TDRD6: variants seen among roughly 807,000 people sequenced by gnomAD.
TDRD6 encodes the protein tudor domain containing 6, also known as tudor domain-containing protein 6.
TDRD6 carries 186 observed loss-of-function variants against 157.5 expected under a neutral mutation model. The observed-to-expected ratio is 1.18, with a 90% CI of 1.05 to 1.33. TDRD6 has a LOEUF of 1.33. Among genes scored for constraint, TDRD6 ranks in the 40% most tolerant of loss-of-function variants. The pLI is 0.00. For missense variants in TDRD6, 3,066 were observed against 2,508.0 expected (o/e 1.22, Z -4.75); for synonymous variants, 1,075 against 945.2 (o/e 1.14, Z -2.52).
rs760694469 is a variant in TDRD6, at chr6:46,704,002, C to A, written c.*2115C>A. On this transcript the variant is annotated 3_prime_UTR_variant, in exon 4 of 4. Transcript: ENST00000316081. The stretch of plus-strand genomic sequence containing the variant: ...GTCATCATTTGAAATTGTGTAGTAC[C>A]ACCAATCCTGTGCTGAAACAATGGC... The A allele has an allele frequency of 2.9e-4, 45 of 155,512 alleles. No individual in the cohort carries two copies. Among genetic ancestry groups the A allele is most frequent in the Non-Finnish European group, 4.8e-4 (34 of 70,236 alleles). 9.6% of individuals were successfully genotyped at this position (155,512 alleles called of 1,614,324 possible). A position where few individuals can be genotyped will look rare whatever the true frequency, so the allele number is the denominator to read the frequency against.
rs750895677 is a variant in TDRD6, at chr6:46,698,006, C to T, written c.6180C>T (p.Asn2060=). ...ETAEEGTRVL[N]LSNGMEEIVN... is the part of the protein sequence containing the mutation. ...TTTGTTTTCTCCTGTAGGTTTTGAA[C>T]CTTTCAAATGGTATGGAGGAGATAG... The change falls in exon 3 of 4, where the codon AAC becomes AAT. Residue 2060 remains asparagine, a synonymous_variant. Coordinates refer to ENST00000316081, the MANE Select transcript of TDRD6 (RefSeq NM_001010870.3). 5.7e-6 allele frequency: 9 copies of T among 1,591,256 alleles called. No homozygotes were observed. Among genetic ancestry groups the T allele is most frequent in the Non-Finnish European group, 7.7e-6 (9 of 1,166,940 alleles).
At position 46,690,857 on chromosome 6, in the gene TDRD6, T is replaced by C; in HGVS notation, c.2729T>C (p.Ile910Thr). Residue 910 changes from isoleucine to threonine, a missense_variant, in exon 1 of 4, where the codon ATA becomes ACA. Physicochemically the swap from Ile to Thr is moderately conservative, Grantham distance 89 (BLOSUM62 -1). Coordinates refer to ENST00000316081, the MANE Select transcript of TDRD6 (RefSeq NM_001010870.3). ...GCAATACAAGCTTTCAATGAATTTA[T>C]AGATAATGCATGGCAAAAAAATCTA... ...VKAIQAFNEFIDNAWQKNLEL... is the reference protein window; with the variant it reads ...VKAIQAFNEFTDNAWQKNLEL... The C allele has an allele frequency of 6.2e-7, 1 of 1,613,738 alleles. No homozygotes were observed. Among genetic ancestry groups the C allele is most frequent in the Non-Finnish European group, 8.5e-7 (1 of 1,179,930 alleles).
chr6:46,681,411 A>G, the TDRD6 span: 2 of 390,906 alleles, frequency 5.1e-6, no homozygotes, highest in Admixed American at 5.8e-5. Flanking sequence ...TTATATCACT[A>G]TTTGGCCTTC....
Position 46,688,570 on chromosome 6 carries a change from C to T in TDRD6, c.442C>T (p.Gln148Ter), listed in dbSNP as rs748776103. 1 of 1,594,036 alleles carries T rather than the reference C, an allele frequency of 6.3e-7. No homozygotes were observed. The highest frequency in any genetic ancestry group is 8.5e-7 in the Non-Finnish European group (1 of 1,176,942). ...GCGAGSGEPP[Q>*]HWPADAVDFL... is the part of the protein sequence containing the mutation. Reference sequence around the variant, plus strand: ...CGGCGCGGGCTCAGGCGAGCCGCCGCAGCACTGGCCCGCCGACGCCGTGGA... The same window carrying T: ...CGGCGCGGGCTCAGGCGAGCCGCCGTAGCACTGGCCCGCCGACGCCGTGGA... Residue 148 changes from glutamine to a stop codon, truncating the protein, a stop_gained, in exon 1 of 4, where the codon CAG (glutamine) becomes TAG (stop). Transcript: ENST00000316081. LOFTEE classifies it high-confidence loss of function.
chr6:46,687,201 T>C (rs1764118194), upstream of TDRD6, among the ~76,000 whole-genome samples: 1 of 152,168 alleles, frequency 6.6e-6, no homozygotes, highest in Admixed American at 6.5e-5. Context: ...CTTGAAGGAA[T>C]GTTGATTCCA....
At position 46,692,720 on chromosome 6, in the gene TDRD6, C is replaced by A. The variant is rs761939805; in HGVS notation, c.4592C>A (p.Pro1531His). ...GCTTATGCCACTGTGATAGATGGAC[C>A]TGAGTACTTTTGGTGTCAGTTTGCT... ...IRAYATVIDG[P>H]EYFWCQFADT... Residue 1531 changes from proline to histidine, a missense_variant, in exon 1 of 4, where the codon CCT becomes CAT. Coordinates refer to ENST00000316081, the MANE Select transcript of TDRD6 (RefSeq NM_001010870.3). 6.2e-7 allele frequency: 1 copy of A among 1,614,102 alleles called. No homozygotes were observed. Among genetic ancestry groups the A allele is most frequent in the East Asian group, 2.2e-5 (1 of 44,876 alleles).
At chr6:46,696,603 T>TATA (rs1764510613) in intron 2 of TDRD6, among the ~76,000 whole-genome samples, 11 of 19,118 alleles carry the variant, frequency 5.8e-4, no homozygotes, top group Admixed American at 8.2e-4. Flanking sequence ...ATATATATAT[T>TATA]TTTTTTTTTT....
chr6:46,691,779 C>T lies in TDRD6; in HGVS notation c.3651C>T (p.Ile1217=). Residue 1217 remains isoleucine, a synonymous_variant, in exon 1 of 4, where the codon ATC becomes ATT. Transcript: ENST00000316081. ...TGGAAGAGTCATATAAACCTCAGAT[C>T]AACTCATCATACAAGGAACTCAAAC... is the stretch of plus-strand genomic sequence containing the variant. ...EILEESYKPQ[I]NSSYKELKLL... is the part of the protein sequence containing the mutation. The T allele has an allele frequency of 2.5e-6, 4 of 1,599,706 alleles. No individual in the cohort carries two copies. Among genetic ancestry groups the T allele is most frequent in the Non-Finnish European group, 3.4e-6 (4 of 1,176,500 alleles).
the TDRD6 span, among the ~76,000 whole-genome samples, chr6:46,681,971 T>G: frequency 6.6e-5 from 10 of 152,184 alleles, no homozygotes; most frequent in East Asian, 1.9e-3. Flanking sequence ...TGGAAATGGA[T>G]AGTGGTAATG....
chr6:46,686,318 T>G (rs1290865966), upstream of TDRD6, among the ~76,000 whole-genome samples: 1 of 152,130 alleles, frequency 6.6e-6, no homozygotes, highest in Non-Finnish European at 1.5e-5. Context: ...AAGGCCATAG[T>G]GTTAGATTGC....
At chr6:46,701,816 A>G (rs1304193921) in intron 3 of TDRD6, 42 bp from the exon 4 acceptor site, 5 of 1,609,002 alleles carry the variant, frequency 3.1e-6, no homozygotes, top group African/African-American at 1.3e-5. Context: ...TTTTGTTTGT[A>G]TGTTTCTTTC....
rs1344223030 is a variant in TDRD6, at chr6:46,689,395, C to T, written c.1267C>T (p.Leu423=). 5 of 1,613,602 alleles carry T rather than the reference C, an allele frequency of 3.1e-6. No individual in the cohort carries two copies. Among genetic ancestry groups the T allele is most frequent in the Non-Finnish European group, 4.2e-6 (5 of 1,180,022 alleles). Residue 423 remains leucine, a synonymous_variant, in exon 1 of 4, where the codon CTG becomes TTG. Transcript: ENST00000316081. ...CSFEHVYYVS[L]YGEDGINLNR... ...CTTTGAGCATGTGTATTATGTCAGC[C>T]TGTATGGAGAAGATGGGATTAATCT...
chr6:46,688,932 G>C lies in TDRD6; in HGVS notation c.804G>C (p.Gln268His). The change falls in exon 1 of 4, where the codon CAG (glutamine) becomes CAC (histidine). Residue 268 changes from glutamine to histidine, a missense_variant. By Grantham distance (24) the Gln-to-His change is conservative. Coordinates refer to ENST00000316081, the MANE Select transcript of TDRD6 (RefSeq NM_001010870.3). The part of the protein sequence containing the change: ...QVCHPHRIHC[Q>H]LRSVSQEIHR... ...GCCATCCCCACCGCATTCACTGCCA[G>C]CTCCGCAGCGTCTCGCAGGAGATCC... 1.2e-6 allele frequency: 2 copies of C among 1,610,814 alleles called. No homozygotes were observed. Among genetic ancestry groups the C allele is most frequent in the Non-Finnish European group, 1.7e-6 (2 of 1,178,110 alleles).
intron 3 of TDRD6, among the ~76,000 whole-genome samples, chr6:46,700,698 G>A (rs1362019562): frequency 6.6e-6 from 1 of 152,046 alleles, no homozygotes; most frequent in Non-Finnish European, 1.5e-5. Context: ...GAACAATGAT[G>A]TCCCTCCCTC....
chr6:46,694,224 A>T lies in TDRD6; in HGVS notation c.6046+50A>T, dbSNP rs543894771. On this transcript the variant is annotated intron_variant, in intron 1 of 3. Coordinates refer to ENST00000316081, the MANE Select transcript of TDRD6 (RefSeq NM_001010870.3). ...ACTTTTTTTTTTTTTTTTTTTTGAG[A>T]CAGGGTCTTGCTCTGTCACCTAGGC... 93 of 1,156,478 alleles carry T rather than the reference A, an allele frequency of 8.0e-5. 5 individuals are homozygous for T. In the South Asian group the frequency reaches 1.4e-3, roughly 18 times the overall value. The allele number at this position is 1,156,478 out of a possible 1,614,324, so 71.6% of individuals were successfully genotyped here.
chr6:46,688,351 G>A lies in TDRD6; in HGVS notation c.223G>A (p.Val75Met), dbSNP rs1163205070. Residue 75 changes from valine (V) to methionine (M), a missense_variant, in exon 1 of 4, where the codon GTG (valine) becomes ATG (methionine). Physicochemically the swap from Val to Met is conservative, Grantham distance 21. Coordinates refer to ENST00000316081, the MANE Select transcript of TDRD6 (RefSeq NM_001010870.3). ...GGCCTCGCCCGGCGAGCTGTGCCTG[G>A]TGCAGGTCGGGCTTTTGTGGCACCG... ...ASASPGELCL[V>M]QVGLLWHRCR... 6.5e-7 allele frequency: 1 copy of A among 1,532,358 alleles called. No individual in the cohort carries two copies. The highest frequency in any genetic ancestry group is 8.7e-7 in the Non-Finnish European group (1 of 1,143,952). 94.9% of individuals were successfully genotyped at this position (1,532,358 alleles called of 1,614,324 possible).
At chr6:46,700,694 T>C (rs1302928335) in intron 3 of TDRD6, among the ~76,000 whole-genome samples, 1 of 152,102 alleles carries the variant, frequency 6.6e-6, no homozygotes, top group Non-Finnish European at 1.5e-5. Flanking sequence ...CCTTGAACAA[T>C]GATGTCCCTC....
rs1323494522 is a variant in TDRD6 at position 46,688,864 on chromosome 6, C to T, written c.736C>T (p.Leu246=). ...TGGTCTGGATTACTTCTATCCCCAGCTGCAGCTGGGCGTGACGGAGGCCGT... is the reference window on the plus strand; with the variant it reads ...TGGTCTGGATTACTTCTATCCCCAGTTGCAGCTGGGCGTGACGGAGGCCGT... ...QPGLDYFYPQ[L]QLGVTEAVVI... Residue 246 remains leucine (L), a synonymous_variant, in exon 1 of 4, where the codon CTG becomes TTG. Transcript: ENST00000316081. The T allele has an allele frequency of 6.2e-7, 1 of 1,610,092 alleles. No homozygotes were observed. Among genetic ancestry groups the T allele is most frequent in the Non-Finnish European group, 8.5e-7 (1 of 1,177,754 alleles).
chr6:46,689,958 A>G lies in TDRD6; in HGVS notation c.1830A>G (p.Lys610=). 1 of 1,613,944 alleles carries G rather than the reference A, an allele frequency of 6.2e-7. No individual in the cohort carries two copies. Among genetic ancestry groups the G allele is most frequent in the Non-Finnish European group, 8.5e-7 (1 of 1,179,924 alleles). ...CTLADIWPLG[K]TWSQEAVSFF... Reference sequence around the variant, plus strand: ...TGGCTGATATTTGGCCTTTGGGAAAAACTTGGAGCCAGGAGGCAGTTTCCT... The same window carrying G: ...TGGCTGATATTTGGCCTTTGGGAAAGACTTGGAGCCAGGAGGCAGTTTCCT... The change falls in exon 1 of 4, where the codon AAA becomes AAG. Residue 610 remains lysine (K), a synonymous_variant. Coordinates refer to ENST00000316081, the MANE Select transcript of TDRD6 (RefSeq NM_001010870.3).
Sources: gnomAD v4.1 joint callset for allele counts (sites outside exome capture counted in the v4.1 genomes callset) on GRCh38, gnomAD v4.1.1 for gene constraint, MANE v1.5 for transcripts, NCBI Gene and HGNC (gene_info 2026-07-23, HGNC 2026-07-21) for gene names.